The following MTTP variants were observed in gnomAD, a reference collection of about 807,000 sequenced individuals.
The protein encoded by MTTP is microsomal triglyceride transfer protein large subunit.
MTTP carries 49 observed loss-of-function variants against 90.6 expected under a neutral mutation model. That is an observed-to-expected ratio of 0.54 (90% CI 0.43 to 0.69). The LOEUF (loss-of-function observed/expected upper bound fraction) is 0.69. Ranked by LOEUF, MTTP falls within the 30% of genes least tolerant of loss-of-function variation. The probability of loss-of-function intolerance (pLI) is 0.00; values close to 1 mark genes in which losing one functional copy is unlikely to be tolerated. For synonymous variants in MTTP, 347 were observed against 384.2 expected (o/e 0.90, Z 1.13); for missense variants, 945 against 1,067.5 (o/e 0.89, Z 1.60).
At chr4:99,565,421 G>T (rs1724656173) in intron 1 of MTTP, among the ~76,000 whole-genome samples, 1 of 152,096 alleles carries the variant, frequency 6.6e-6, no homozygotes, top group South Asian at 2.1e-4. Flanking sequence ...TCCAAAGTAA[G>T]CACCAAAAGA....
chr4:99,614,096 G>A (rs575527663), intron 15 of MTTP, among the ~76,000 whole-genome samples: 1 of 152,270 alleles, frequency 6.6e-6, no homozygotes, highest in East Asian at 1.9e-4. Context: ...ATTTACAGAT[G>A]ATTGGATTGA....
At chr4:99,564,581 A>C (rs1221135851) in intron 1 of MTTP, among the ~76,000 whole-genome samples, 2 of 152,334 alleles carry the variant, frequency 1.3e-5, no homozygotes, top group African/African-American at 4.8e-5. Context: ...TTCATTGTTT[A>C]TAATACTTGA....
chr4:99,582,937 C>A (rs963243808), intron 2 of MTTP, among the ~76,000 whole-genome samples: 2 of 152,106 alleles, frequency 1.3e-5, no homozygotes, highest in African/African-American at 4.8e-5. Flanking sequence ...GTAAACTGTT[C>A]TCCAGAAAAC....
chr4:99,584,370 A>T (rs1725205022), intron 3 of MTTP, among the ~76,000 whole-genome samples: 1 of 152,176 alleles, frequency 6.6e-6, no homozygotes, highest in African/African-American at 2.4e-5. Flanking sequence ...TTCACTTTCT[A>T]AATTCAAAAT....
chr4:99,572,635 G>GT (rs1489998007), upstream of MTTP, among the ~76,000 whole-genome samples: 1 of 151,948 alleles, frequency 6.6e-6, no homozygotes, highest in African/African-American at 2.4e-5. Context: ...GGCAGCTCTT[G>GT]TTTTTTTACT....
At chr4:99,577,707 A>G (rs1204025265) in intron 1 of MTTP, among the ~76,000 whole-genome samples, 9 of 152,050 alleles carry the variant, frequency 5.9e-5, no homozygotes, top group Non-Finnish European at 1.3e-4. Flanking sequence ...TAGGATTAGG[A>G]TAAAAGAGCA....
At chr4:99,596,985 T>C in intron 7 of MTTP, 82 bp from the exon 8 acceptor site, 1 of 1,588,718 alleles carries the variant, frequency 6.3e-7, no homozygotes, top group Non-Finnish European at 8.6e-7. Context: ...AAGGGACATT[T>C]TATTCCTAGG....
In MTTP at chr4:99,583,486, G is replaced by T; in HGVS notation, c.362G>T (p.Arg121Ile). 6.2e-7 allele frequency: 1 copy of T among 1,613,594 alleles called. No individual in the cohort carries two copies. The highest frequency in any genetic ancestry group is 1.1e-5 in the South Asian group (1 of 91,066). ...MGKENLEALQ[R>I]PTLLHLIHGK... The stretch of plus-strand genomic sequence containing the variant: ...AAGGAAAACTTGGAAGCTCTGCAAA[G>T]ACCTACGCTCCTTCATCTAATCCAT... The change falls in exon 3 of 18, where the codon AGA becomes ATA. Residue 121 changes from arginine (R) to isoleucine (I), a missense_variant. Coordinates refer to ENST00000265517, the MANE Select transcript of MTTP (RefSeq NM_001386140.1).
chr4:99,622,231 C>T (rs1726253186), intron 17 of MTTP, among the ~76,000 whole-genome samples: 1 of 152,180 alleles, frequency 6.6e-6, no homozygotes, highest in South Asian at 2.1e-4. Flanking sequence ...AACCCACCCA[C>T]ATGATTAATT....
At chr4:99,613,724 A>G (rs1209797215) in intron 15 of MTTP, among the ~76,000 whole-genome samples, 1 of 152,224 alleles carries the variant, frequency 6.6e-6, no homozygotes, top group Non-Finnish European at 1.5e-5. Flanking sequence ...CTAGAGCCAC[A>G]TTCTTCAAAA....
intron 15 of MTTP, among the ~76,000 whole-genome samples, chr4:99,617,231 T>C (rs1726118670): frequency 6.6e-6 from 1 of 152,232 alleles, no homozygotes; most frequent in Non-Finnish European, 1.5e-5. Context: ...AGCCATATTT[T>C]GTCCTATATC....
chr4:99,596,514 T>C (rs767923774), intron 7 of MTTP, among the ~76,000 whole-genome samples: 4 of 152,018 alleles, frequency 2.6e-5, no homozygotes, highest in Admixed American at 6.6e-5. Context: ...CTAAAAAACA[T>C]AGATATAAGA....
intron 17 of MTTP, among the ~76,000 whole-genome samples, chr4:99,622,326 C>T (rs374195830): frequency 6.6e-6 from 1 of 152,124 alleles, no homozygotes; most frequent in Non-Finnish European, 1.5e-5. Flanking sequence ...CTGGGCTTGC[C>T]TGTTACTCAA....
chr4:99,594,693 G>C, intron 6 of MTTP, 40 bp from the exon 7 acceptor site: 1 of 1,611,054 alleles, frequency 6.2e-7, no homozygotes, highest in Admixed American at 1.7e-5. Flanking sequence ...TCACTCAAAA[G>C]AATGATTATA....
At chr4:99,615,175 G>A (rs187357945) in intron 15 of MTTP, among the ~76,000 whole-genome samples, 33 of 152,332 alleles carry the variant, frequency 2.2e-4, no homozygotes, top group Non-Finnish European at 1.2e-4. Flanking sequence ...CAGCAAACTT[G>A]TTCTGTAAAG....
intron 10 of MTTP, among the ~76,000 whole-genome samples, chr4:99,603,098 A>G (rs182211758): frequency 1.3e-5 from 2 of 152,282 alleles, no homozygotes; most frequent in African/African-American, 4.8e-5. Context: ...ATGGAATGAA[A>G]GACATTCTAG....
At position 99,601,574 on chromosome 4, in the gene MTTP, T is replaced by G. The variant is rs1480448251; in HGVS notation, c.1237-33T>G. The G allele has an allele frequency of 6.4e-6, 9 of 1,403,150 alleles. No homozygotes were observed. The Admixed American group carries it at 8.4e-5, about 13-fold the overall frequency. 86.9% of individuals were successfully genotyped at this position (1,403,150 alleles called of 1,614,324 possible). ...GTTCCTTGGAAATATTTAAATGTCT[T>G]GGTAACCTATTTTATCCCTGTTTGG... On this transcript the variant is annotated intron_variant, in intron 9 of 17. Transcript: ENST00000265517.
chr4:99,618,658 CTGT>C (rs1486422454), intron 15 of MTTP, among the ~76,000 whole-genome samples: 1 of 152,198 alleles, frequency 6.6e-6, no homozygotes, highest in Non-Finnish European at 1.5e-5. Flanking sequence ...AATGCTGATG[CTGT>C]TGTTCACAGA....
chr4:99,571,601 T>A (rs963698619), upstream of MTTP, among the ~76,000 whole-genome samples: 1 of 151,928 alleles, frequency 6.6e-6, no homozygotes, highest in African/African-American at 2.4e-5. Context: ...ATGAATGTTC[T>A]TTTTGGAGTT....
Sources: allele counts gnomAD v4.1 joint callset (sites outside exome capture counted in the v4.1 genomes callset), GRCh38; gene constraint gnomAD v4.1.1; transcripts MANE v1.5; gene names NCBI Gene and HGNC (gene_info 2026-07-23, HGNC 2026-07-21).